The following F11R variants were observed in gnomAD, a reference collection of about 807,000 sequenced individuals.
F11R encodes the protein F11 receptor.
F11R carries 27 observed loss-of-function variants against 39.3 expected under a neutral mutation model. The observed-to-expected ratio is 0.69, with a 90% confidence interval of 0.51 to 0.95. The LOEUF is 0.95. Ranked by LOEUF, F11R falls within the 40% of genes least tolerant of loss-of-function variation. F11R has a pLI of 0.00. For missense variants in F11R, 335 were observed against 372.7 expected (o/e 0.90, Z 0.83); for synonymous variants, 131 against 144.9 (o/e 0.90, Z 0.69).
chr1:160,999,033 G>A lies in F11R; in HGVS notation c.864+10C>T, dbSNP rs375303349. ...GGTGGCCCACCCCTGCCCAGGGGAG[G>A]CATACTCACTTCACTTCGGGCACTA... On this transcript the variant is annotated intron_variant, in intron 9 of 9. Transcript: ENST00000368026. 1 of 1,614,076 alleles carries A rather than the reference G, an allele frequency of 6.2e-7. No homozygotes were observed. Among genetic ancestry groups the A allele is most frequent in the African/African-American group, 1.3e-5 (1 of 74,928 alleles).
At chr1:161,011,729 CAA>C (rs200362096) in intron 1 of F11R, among the ~76,000 whole-genome samples, 124 of 116,306 alleles carry the variant, frequency 1.1e-3, no homozygotes, top group African/African-American at 2.8e-3. Context: ...GATTCCACCT[CAA>C]AAAAAAAAAA....
chr1:161,001,185 G>T, intron 2 of F11R, 58 bp from the exon 3 acceptor site: 1 of 1,597,806 alleles, frequency 6.3e-7, no homozygotes, highest in Non-Finnish European at 8.6e-7. Context: ...CACGAGATGG[G>T]GAACAGCCCC....
chr1:161,003,164 C>T (rs1447350728), intron 1 of F11R, among the ~76,000 whole-genome samples: 2 of 140,610 alleles, frequency 1.4e-5, no homozygotes, highest in African/African-American at 5.2e-5. Context: ...GCTCTTGTTG[C>T]CCAGGCTGGA....
intron 1 of F11R, 35 bp downstream of exon 1, chr1:161,020,975 A>G: frequency 6.2e-7 from 1 of 1,609,160 alleles, no homozygotes; most frequent in Non-Finnish European, 8.5e-7. Flanking sequence ...CTCTGACCCG[A>G]CCAACCGATT....
chr1:161,005,135 G>C (rs993587650), intron 1 of F11R, among the ~76,000 whole-genome samples: 7 of 150,386 alleles, frequency 4.7e-5, no homozygotes, highest in Non-Finnish European at 8.9e-5. Flanking sequence ...ACTCCAGCCT[G>C]GGTGACAGAG....
Position 160,999,763 on chromosome 1 carries a change from A to G in F11R, c.695-16T>C, listed in dbSNP as rs760809314. Reference sequence around the variant, plus strand: ...TTCCGCTCCACTGCGAGACACAAATAAGAAGTCAGGCACGGGGATACTCAC... The same window carrying G: ...TTCCGCTCCACTGCGAGACACAAATGAGAAGTCAGGCACGGGGATACTCAC... On this transcript the variant is annotated splice_polypyrimidine_tract_variant and intron_variant, in intron 6 of 9. Transcript: ENST00000368026. 3.1e-6 allele frequency: 5 copies of G among 1,613,348 alleles called. No homozygotes were observed. The Admixed American group carries it at 8.3e-5, about 27-fold the overall frequency.
rs1300038362 is a variant in F11R at position 160,996,312 on chromosome 1, T to G, written c.*2559A>C. 6.6e-6 allele frequency: 1 copy of G among 152,364 alleles called. No homozygotes were observed. The highest frequency in any genetic ancestry group is 1.5e-5 in the Non-Finnish European group (1 of 68,052). 9.4% of individuals were successfully genotyped at this position (152,364 alleles called of 1,614,324 possible). ...AAGCTAGAGAAGTAAATTCCAAGGC[T>G]GGCAATAACTGACTCATATTCTTCA... On this transcript the variant is annotated 3_prime_UTR_variant, in exon 10 of 10. Transcript: ENST00000368026.
At chr1:161,005,528 T>A (rs148391006) in intron 1 of F11R, among the ~76,000 whole-genome samples, 1 of 151,984 alleles carries the variant, frequency 6.6e-6, no homozygotes, top group Non-Finnish European at 1.5e-5. Context: ...CGAGCCACCA[T>A]GCCTGGCTAA....
At chr1:161,001,246 T>G (rs1648470433) in intron 2 of F11R, 39 bp downstream of exon 2, 1 of 1,610,558 alleles carries the variant, frequency 6.2e-7, no homozygotes. Context: ...GGCCGGCAAC[T>G]GCTCACCCTC....
At chr1:161,004,903 G>A (rs1263375706) in intron 1 of F11R, among the ~76,000 whole-genome samples, 1 of 151,802 alleles carries the variant, frequency 6.6e-6, no homozygotes, top group Non-Finnish European at 1.5e-5. Flanking sequence ...GCTCACACCT[G>A]TAATTCCAGC....
chr1:160,996,226 T>A lies in F11R; in HGVS notation c.*2645A>T, dbSNP rs1263369483. 6.6e-6 allele frequency: 1 copy of A among 152,374 alleles called. No homozygotes were observed. The highest frequency in any genetic ancestry group is 2.4e-5 in the African/African-American group (1 of 41,462). 9.4% of individuals were successfully genotyped at this position (152,374 alleles called of 1,614,324 possible). A position where few individuals can be genotyped will look rare whatever the true frequency, so the allele number is the denominator to read the frequency against. On this transcript the variant is annotated 3_prime_UTR_variant, in exon 10 of 10. Transcript: ENST00000368026. ...GAAAATAAACATTTATTATAAAAATTAGTTTTGACATTTTAAAGTGAATGC... is the reference window on the plus strand; with the variant it reads ...GAAAATAAACATTTATTATAAAAATAAGTTTTGACATTTTAAAGTGAATGC...
At chr1:161,009,337 A>C (rs1290937910) in intron 1 of F11R, among the ~76,000 whole-genome samples, 2 of 152,100 alleles carry the variant, frequency 1.3e-5, no homozygotes, top group African/African-American at 4.8e-5. Context: ...CCAAGTGAAA[A>C]GGGACCATGT....
intron 1 of F11R, among the ~76,000 whole-genome samples, chr1:161,017,781 G>A (rs1460248473): frequency 6.6e-6 from 1 of 152,228 alleles, no homozygotes; most frequent in Non-Finnish European, 1.5e-5. Context: ...ACCCACAGGT[G>A]TGGAGGGGCA....
chr1:161,009,914 T>C (rs1649034832), intron 1 of F11R, among the ~76,000 whole-genome samples: 1 of 151,982 alleles, frequency 6.6e-6, no homozygotes, highest in East Asian at 1.9e-4. Flanking sequence ...CTGTACTTAG[T>C]CTGGATGACA....
intron 8 of F11R, 101 bp from the exon 9 acceptor site, chr1:160,999,192 C>A: frequency 8.5e-6 from 13 of 1,537,486 alleles, no homozygotes; most frequent in Non-Finnish European, 1.2e-5. Context: ...TACAGAAGCA[C>A]AGAGTGCGCA....
chr1:161,017,716 T>C (rs1649541669), intron 1 of F11R, among the ~76,000 whole-genome samples: 1 of 151,292 alleles, frequency 6.6e-6, no homozygotes, highest in Admixed American at 6.6e-5. Context: ...TCTTTCTCTA[T>C]AGTTTGTCTC....
At chr1:161,015,243 CA>C (rs1383048971) in intron 1 of F11R, among the ~76,000 whole-genome samples, 1 of 140,330 alleles carries the variant, frequency 7.1e-6, no homozygotes, top group South Asian at 2.3e-4. Flanking sequence ...AAAAAAAATA[CA>C]AAAAATCAGC....
chr1:160,998,557 C>A lies in F11R; in HGVS notation c.*314G>T, dbSNP rs538878595. On this transcript the variant is annotated 3_prime_UTR_variant, in exon 10 of 10. Transcript: ENST00000368026. ...GTTGAGTGCAGATTCCTGCGACCCCCGCCATTTTTGCTGTCTACTTAGAAG... is the reference window on the plus strand; with the variant it reads ...GTTGAGTGCAGATTCCTGCGACCCCAGCCATTTTTGCTGTCTACTTAGAAG... The A allele has an allele frequency of 1.3e-5, 7 of 529,850 alleles. 1 individual carries two copies. The highest frequency in any genetic ancestry group is 2.3e-5 in the Non-Finnish European group (7 of 298,356). The allele number at this position is 529,850 out of a possible 1,614,324, so 32.8% of individuals were successfully genotyped here. A position where few individuals can be genotyped will look rare whatever the true frequency, so the allele number is the denominator to read the frequency against.
intron 1 of F11R, among the ~76,000 whole-genome samples, chr1:161,016,941 G>C (rs186187473): frequency 6.6e-6 from 1 of 152,178 alleles, no homozygotes; most frequent in East Asian, 1.9e-4. Context: ...TTCTGCCTTG[G>C]GATGCTGTTA....
Sources: allele counts gnomAD v4.1 joint callset (sites outside exome capture counted in the v4.1 genomes callset), GRCh38; gene constraint gnomAD v4.1.1; transcripts MANE v1.5; gene names NCBI Gene and HGNC (gene_info 2026-07-23, HGNC 2026-07-21).